The following MAPT variants were observed in gnomAD, a reference collection of about 807,000 sequenced individuals.
The protein encoded by MAPT is microtubule-associated protein tau.
In MAPT, 34 loss-of-function variants were observed where a neutral mutation model predicts 67.9. The observed-to-expected ratio is 0.50, with a 90% CI of 0.38 to 0.67. The LOEUF is 0.67. Among genes scored for constraint, MAPT ranks in the 30% least tolerant of loss-of-function variants. The probability of loss-of-function intolerance (pLI) is 0.00; values close to 1 mark genes in which losing one functional copy is unlikely to be tolerated. For synonymous variants in MAPT, 456 were observed against 464.5 expected (o/e 0.98, Z 0.23); for missense variants, 881 against 1,115.2 (o/e 0.79, Z 2.99).
chr17:45,949,216 CG>C (rs2068811546), intron 1 of MAPT, among the ~76,000 whole-genome samples: 1 of 152,240 alleles, frequency 6.6e-6, no homozygotes, highest in East Asian at 1.9e-4. Context: ...TGCGCGGCGG[CG>C]GAGCCCGGGA....
At chr17:45,933,555 CTA>C (rs757118680) in intron 1 of MAPT, among the ~76,000 whole-genome samples, 1 of 151,080 alleles carries the variant, frequency 6.6e-6, no homozygotes, top group Non-Finnish European at 1.5e-5. Flanking sequence ...TTTGAACTCT[CTA>C]GAGACAGTCC....
intron 9 of MAPT, among the ~76,000 whole-genome samples, chr17:46,009,535 C>T (rs2075678971): frequency 6.6e-6 from 1 of 150,646 alleles, no homozygotes; most frequent in Non-Finnish European, 1.5e-5. Context: ...GCTCAGCTTC[C>T]GTTACGCACC....
At chr17:45,950,797 A>C (rs1234862183) in intron 1 of MAPT, among the ~76,000 whole-genome samples, 1 of 151,846 alleles carries the variant, frequency 6.6e-6, no homozygotes, top group Non-Finnish European at 1.5e-5. Context: ...CGAGTAGCTG[A>C]GATTACAGAT....
chr17:45,920,648 G>A lies in MAPT; in HGVS notation c.-18+25962G>A, dbSNP rs1477247998. Among the ~76,000 whole-genome samples the A allele has an allele frequency of 2.6e-5, 4 of 152,312 alleles. No homozygotes were observed. In the East Asian group the frequency reaches 7.7e-4, roughly 29 times the overall value. ...TGCGGATGCCAGACTGGAGCACTCT[G>A]ACAAGGTCTGGGGTGGTTGTATGGG... is the stretch of plus-strand genomic sequence containing the variant. On this transcript the variant is annotated intron_variant, in intron 1 of 12. Coordinates refer to ENST00000262410, the MANE Select transcript of MAPT (RefSeq NM_001377265.1).
intron 6 of MAPT, among the ~76,000 whole-genome samples, chr17:45,988,432 C>T (rs1046656557): frequency 1.3e-5 from 2 of 152,150 alleles, no homozygotes; most frequent in South Asian, 2.1e-4. Context: ...CATGCCCACC[C>T]GTCAAAATCC....
Position 45,990,088 on chromosome 17 carries a change from C to T in MAPT, c.1605+13C>T. 1.2e-6 allele frequency: 2 copies of T among 1,613,222 alleles called. No individual in the cohort carries two copies. The highest frequency in any genetic ancestry group is 2.2e-5 in the East Asian group (1 of 44,886). On this transcript the variant is annotated intron_variant, in intron 7 of 12. Coordinates refer to ENST00000262410, the MANE Select transcript of MAPT (RefSeq NM_001377265.1). ...GATGAAACTCAAGGTAAGGAAACCA[C>T]CTTTGAAAAGAACCAGGCTGCTCTG...
intron 6 of MAPT, 71 bp from the exon 7 acceptor site, chr17:45,989,807 C>G (rs746496218): frequency 7.3e-6 from 10 of 1,370,218 alleles, no homozygotes; most frequent in African/African-American, 2.9e-5. Context: ...TAGTTACTGT[C>G]CTTTTTTCAG....
At chr17:46,009,980 C>T (rs977486106) in intron 9 of MAPT, among the ~76,000 whole-genome samples, 1 of 152,198 alleles carries the variant, frequency 6.6e-6, no homozygotes, top group African/African-American at 2.4e-5. Context: ...GGCTGGTGAA[C>T]GCTCCCCTCT....
At chr17:45,928,002 GAAAAAAAAAAAAAAAA>G (rs35954789) in intron 1 of MAPT, among the ~76,000 whole-genome samples, 1 of 55,190 alleles carries the variant, frequency 1.8e-5, no homozygotes. Context: ...TCCGTCTCAG[GAAAAAAAAAAAAAAAA>G]AAAAAAAAAG....
Position 46,010,421 on chromosome 17 carries a change from C to G in MAPT, c.2091+19C>G, listed in dbSNP as rs63750162. On this transcript the variant is annotated intron_variant, in intron 10 of 12. Transcript: ENST00000262410. The surrounding 1 kb of genome is among the most constrained non-coding windows in gnomAD (Gnocchi z 4.7). ...CGGCAGTGTGAGTACCTTCACACGT[C>G]CCATGCGCCGTGCTGTGGCTTGAAT... 34 of 1,515,062 alleles carry G rather than the reference C, an allele frequency of 2.2e-5. No homozygotes were observed. Among genetic ancestry groups the G allele is most frequent in the Non-Finnish European group, 2.9e-5 (32 of 1,109,876 alleles). 93.9% of individuals were successfully genotyped at this position (1,515,062 alleles called of 1,614,324 possible).
chr17:46,025,971 G>A lies in MAPT; in HGVS notation c.*1800G>A, dbSNP rs2076789069. 1 of 152,004 alleles carries A rather than the reference G, an allele frequency of 6.6e-6. No individual in the cohort carries two copies. The highest frequency in any genetic ancestry group is 2.1e-4 in the South Asian group (1 of 4,826). The allele number at this position is 152,004 out of a possible 1,614,324, so 9.4% of individuals were successfully genotyped here. ...GGAAGCCATGCTGTCTGTTCTGCTGGAGCAGCTGAACATATACATAGATGT... is the reference window on the plus strand; with the variant it reads ...GGAAGCCATGCTGTCTGTTCTGCTGAAGCAGCTGAACATATACATAGATGT... On this transcript the variant is annotated 3_prime_UTR_variant, in exon 13 of 13. Transcript: ENST00000262410.
intron 2 of MAPT, among the ~76,000 whole-genome samples, chr17:45,965,186 C>T (rs1321316819): frequency 6.6e-6 from 1 of 152,046 alleles, no homozygotes; most frequent in Non-Finnish European, 1.5e-5. Context: ...AATCCCAGCA[C>T]TTTGGGAGGC....
At chr17:45,946,598 TAAAAAA>T (rs763910082) in intron 1 of MAPT, among the ~76,000 whole-genome samples, 2 of 60,906 alleles carry the variant, frequency 3.3e-5, no homozygotes, top group African/African-American at 1.6e-4. Flanking sequence ...GACTCTGTCT[TAAAAAA>T]AAAAAAAAAA....
Position 45,990,567 on chromosome 17 carries a change from AGCTTGGGCGACAGAGCAAGAC to A in MAPT, c.1605+493_1605+513del, listed in dbSNP as rs573240370. 8.1e-4 allele frequency: 331 copies of A among 407,984 alleles called. 2 individuals carry two copies. The highest frequency in any genetic ancestry group is 6.4e-3 in the African/African-American group (306 of 47,864). 25.3% of individuals were successfully genotyped at this position (407,984 alleles called of 1,614,324 possible). A position where few individuals can be genotyped will look rare whatever the true frequency, so the allele number is the denominator to read the frequency against. Reference sequence around the variant, plus strand: ...AGAGGCAGAGGTTGTAGTTAGCTCCAGCTTGGGCGACAGAGCAAGACCCTGTCGCAAAAATTGTTTAAAAAA... The same window carrying A: ...AGAGGCAGAGGTTGTAGTTAGCTCCACCTGTCGCAAAAATTGTTTAAAAAA... On this transcript the variant is annotated intron_variant, in intron 7 of 12. Transcript: ENST00000262410.
intron 11 of MAPT, among the ~76,000 whole-genome samples, chr17:46,014,848 A>G (rs1055443684): frequency 1.3e-5 from 2 of 150,260 alleles, no homozygotes; most frequent in Admixed American, 1.4e-4. Context: ...GCGCCACTGC[A>G]CTCCAGCCTG....
chr17:45,969,928 A>G (rs1365913898), intron 2 of MAPT, among the ~76,000 whole-genome samples: 2 of 148,460 alleles, frequency 1.3e-5, no homozygotes, highest in South Asian at 2.2e-4. Context: ...TATATCATCT[A>G]TACATCATCC....
chr17:45,944,215 G>A (rs2068250641), intron 1 of MAPT, among the ~76,000 whole-genome samples: 2 of 152,314 alleles, frequency 1.3e-5, no homozygotes, highest in African/African-American at 4.8e-5. Context: ...TTGCAGTTCA[G>A]AGAGGGCAAG....
chr17:45,986,968 T>C lies in MAPT; in HGVS notation c.1352-72T>C, dbSNP rs62063793. On this transcript the variant is annotated intron_variant, in intron 5 of 12. Coordinates refer to ENST00000262410, the MANE Select transcript of MAPT (RefSeq NM_001377265.1). Reference sequence around the variant, plus strand: ...TGGACCTATCCCAGAGAAATCCAGCTTCACCACAGCTGGCTTTCTGTGAAC... The same window carrying C: ...TGGACCTATCCCAGAGAAATCCAGCCTCACCACAGCTGGCTTTCTGTGAAC... 0.18 allele frequency: 253,516 copies of C among 1,373,092 alleles called. 27,150 individuals are homozygous for C. Among genetic ancestry groups the C allele is most frequent in the Non-Finnish European group, 0.22 (213,224 of 968,862 alleles). 85.1% of individuals were successfully genotyped at this position (1,373,092 alleles called of 1,614,324 possible).
At position 45,984,242 on chromosome 17, in the gene MAPT, GT is replaced by G. The variant is rs66918226; in HGVS notation, c.1351+315del. ...ACAACGGCCCATCAGCCCACAGGAG[GT>G]TTGGTGGGTGCCTTCCACCGACAGG... On this transcript the variant is annotated intron_variant, in intron 5 of 12. Transcript: ENST00000262410. 0.14 allele frequency among the ~76,000 whole-genome samples: 22,053 copies of G among 152,246 alleles called. 2,137 individuals are homozygous for G. Among genetic ancestry groups the G allele is most frequent in the Non-Finnish European group, 0.22 (14,753 of 68,000 alleles).
Sources: allele counts gnomAD v4.1 joint callset (sites outside exome capture counted in the v4.1 genomes callset), GRCh38; gene constraint gnomAD v4.1.1; non-coding constraint Gnocchi (gnomAD v3.1); transcripts MANE v1.5; gene names NCBI Gene and HGNC (gene_info 2026-07-23, HGNC 2026-07-21).